The following TRIM49C variants were observed in gnomAD, a reference collection of about 807,000 sequenced individuals.
TRIM49C encodes tripartite motif containing 49C, also known as tripartite motif-containing protein 49C.
Under a neutral mutation model 21.4 loss-of-function variants are expected in TRIM49C, and 6 were observed. The ratio of observed to expected loss-of-function variants is 0.28; its 90% CI spans 0.15 to 0.55. The LOEUF (loss-of-function observed/expected upper bound fraction) is 0.55. TRIM49C is among the 20% of genes least tolerant of loss of function. TRIM49C has a pLI of 0.94. For missense variants in TRIM49C, 161 were observed against 442.4 expected, an observed-to-expected ratio of 0.36 and a Z score of 5.71; for synonymous variants, 57 against 148.1, an observed-to-expected ratio of 0.38 and a Z score of 4.47.
At chr11:90,045,112 T>G (rs180776821), downstream of TRIM49C, among the ~76,000 whole-genome samples, 2 of 133,894 alleles carry the variant, frequency 1.5e-5, 1 homozygote, top group African/African-American at 5.4e-5. Context: ...TTCTGAGGGC[T>G]CTGTTCTATT....
Position 90,035,923 on chromosome 11 carries a change from A to G in TRIM49C, c.447A>G (p.Glu149=), listed in dbSNP as rs1251792477. 2 of 1,000,282 alleles carry G rather than the reference A, an allele frequency of 2.0e-6. No individual in the cohort carries two copies. The highest frequency in any genetic ancestry group is 2.6e-6 in the Non-Finnish European group (2 of 769,614). The allele number at this position is 1,000,282 out of a possible 1,614,324, so 62.0% of individuals were successfully genotyped here. Reference sequence around the variant, plus strand: ...TACAGAAAATGCAGTCTTTGTGGGAAAAAGCTTGTGAAAATCACAGAAACC... The same window carrying G: ...TACAGAAAATGCAGTCTTTGTGGGAGAAAGCTTGTGAAAATCACAGAAACC... The part of the protein sequence containing the change: ...KLLQKMQSLW[E]KACENHRNLN... Residue 149 remains glutamate (E), a synonymous_variant, in exon 4 of 8, where the codon GAA becomes GAG. Transcript: ENST00000448984.
rs1171615595 is a variant in TRIM49C at position 90,041,111 on chromosome 11, G to A, written c.920G>A (p.Arg307Lys). Residue 307 changes from arginine to lysine, a missense_variant, in exon 8 of 8, where the codon AGA becomes AAA. Around this residue, in one of 3 missense-constraint regions of TRIM49C, gnomAD observed 80 missense variants for 314.8 expected, o/e 0.25. Transcript: ENST00000448984. ...NSDIFLYEIL[R>K]SMCIGCDHQD... Reference sequence around the variant, plus strand: ...GATATCTTTCTGTATGAAATTTTGAGAAGCATGTGTATTGGATGTGACCAT... The same window carrying A: ...GATATCTTTCTGTATGAAATTTTGAAAAGCATGTGTATTGGATGTGACCAT... 8 of 1,593,070 alleles carry A rather than the reference G, an allele frequency of 5.0e-6. 1 individual carries two copies. Among genetic ancestry groups the A allele is most frequent in the Non-Finnish European group, 6.0e-6 (7 of 1,168,584 alleles).
At chr11:90,035,745 T>A in intron 3 of TRIM49C, 123 bp downstream of exon 3, 1 of 1,101,666 alleles carries the variant, frequency 9.1e-7, no homozygotes. Flanking sequence ...TTGGGCTTTC[T>A]TAGCTTCCAA....
At chr11:90,060,313 T>C in the TRIM49C span, among the ~76,000 whole-genome samples, 1 of 148,446 alleles carries the variant, frequency 6.7e-6, no homozygotes, top group African/African-American at 2.5e-5. Flanking sequence ...TGAGAGATTT[T>C]TCCTTCTGCA....
At chr11:90,031,749 C>A (rs1950689276) in intron 1 of TRIM49C, among the ~76,000 whole-genome samples, 1 of 150,002 alleles carries the variant, frequency 6.7e-6, no homozygotes, top group Admixed American at 6.7e-5. Context: ...TCAGTGATTT[C>A]TCTTAGAGTG....
At position 90,041,320 on chromosome 11, in the gene TRIM49C, C is replaced by T. The variant is rs753232415; in HGVS notation, c.1129C>T (p.Leu377Phe). 1.6e-5 allele frequency: 25 copies of T among 1,590,152 alleles called. 2 individuals are homozygous for T. The African/African-American group carries it at 3.3e-4, about 21-fold the overall frequency. ...TGAGAAGATAGATGGAAAGGAGGGA[C>T]TCTTTCTTCTTGGGTGTATTAAGAA... Reference protein sequence around the residue: ...QNEKIDGKEGLFLLGCIKNDI... With the variant: ...QNEKIDGKEGFFLLGCIKNDI... The change falls in exon 8 of 8, where the codon CTC becomes TTC. Residue 377 changes from leucine (L) to phenylalanine (F), a missense_variant. Around this residue, in one of 3 missense-constraint regions of TRIM49C, gnomAD observed 63 missense variants for 67.6 expected, o/e 0.93. Coordinates refer to ENST00000448984, the MANE Select transcript of TRIM49C (RefSeq NM_001195234.1).
the TRIM49C span, among the ~76,000 whole-genome samples, chr11:90,072,150 T>C: frequency 7.1e-6 from 1 of 141,598 alleles, no homozygotes; most frequent in African/African-American, 2.5e-5. Flanking sequence ...AGTTAATGAC[T>C]GATTTGAGTG....
Position 90,041,068 on chromosome 11 carries a change from C to G in TRIM49C, c.877C>G (p.His293Asp), listed in dbSNP as rs74584169. 460,255 of 1,536,760 alleles carry G rather than the reference C, an allele frequency of 0.3. 45,921 individuals carry two copies. Among genetic ancestry groups the G allele is most frequent in the Admixed American group, 0.51 (28,428 of 55,626 alleles). Residue 293 changes from histidine to aspartate, a missense_variant, in exon 8 of 8, where the codon CAT becomes GAT. Transcript: ENST00000448984. Reference sequence around the variant, plus strand: ...TTTTGCAGTGCATATTACTCTGCATCATGAAGAAGCCAACAGTGATATCTT... The same window carrying G: ...TTTTGCAGTGCATATTACTCTGCATGATGAAGAAGCCAACAGTGATATCTT... ...NQFRVHITLH[H>D]EEANSDIFLY...
chr11:90,043,781 A>ATTT (rs1232320849), downstream of TRIM49C, among the ~76,000 whole-genome samples: 2 of 114,470 alleles, frequency 1.7e-5, 1 homozygote, highest in African/African-American at 7.0e-5. Flanking sequence ...GGAAAGTTTG[A>ATTT]TTTTTTTTTA....
chr11:90,056,939 G>A, the TRIM49C span, among the ~76,000 whole-genome samples: 7 of 148,996 alleles, frequency 4.7e-5, no homozygotes, highest in East Asian at 9.8e-4. Context: ...AGTCTGTGAG[G>A]TCAACTTAAC....
rs564774 is a variant in TRIM49C at position 90,033,420 on chromosome 11, T to G, written c.-5+838T>G. Among the ~76,000 whole-genome samples the G allele has an allele frequency of 6.8e-4, 93 of 136,132 alleles. 13 individuals carry two copies. In the South Asian group the frequency reaches 0.011, roughly 16 times the overall value. 89.3% of individuals were successfully genotyped at this position (136,132 alleles called of 152,430 possible). On this transcript the variant is annotated intron_variant, in intron 2 of 7. Coordinates refer to ENST00000448984, the MANE Select transcript of TRIM49C (RefSeq NM_001195234.1). ...TGAGTCAGCCACAGACCACATATGG[T>G]GGTCCCATAAGATTATAATACCAAT...
intron 4 of TRIM49C, among the ~76,000 whole-genome samples, chr11:90,037,087 GTATGTA>G (rs1565480184): frequency 7.5e-6 from 1 of 132,984 alleles, no homozygotes; most frequent in African/African-American, 2.7e-5. Flanking sequence ...ATGTATGTAT[GTATGTA>G]TGTATGTGTG....
chr11:90,063,070 A>C, the TRIM49C span: 1 of 1,353,616 alleles, frequency 7.4e-7, no homozygotes. Flanking sequence ...GAAAAGGAAA[A>C]AAAGGCCGGT....
chr11:90,049,949 A>T, the TRIM49C span: 8 of 123,554 alleles, frequency 6.5e-5, 1 homozygote, highest in Admixed American at 3.6e-4. Context: ...GGAAACAGGA[A>T]GGAATGCCTG....
chr11:90,044,045 T>A (rs913089620), downstream of TRIM49C, among the ~76,000 whole-genome samples: 2 of 45,988 alleles, frequency 4.3e-5, 1 homozygote, highest in African/African-American at 2.1e-4. Context: ...TTCGTCCTTG[T>A]GATAGTTTGC....
At chr11:90,038,293 T>C (rs1027219751) in intron 5 of TRIM49C, among the ~76,000 whole-genome samples, 3 of 105,402 alleles carry the variant, frequency 2.8e-5, no homozygotes, top group Non-Finnish European at 5.7e-5. Context: ...GAGTGATTCA[T>C]TTACATTTAG....
chr11:90,046,356 A>G (rs1242963532), downstream of TRIM49C, among the ~76,000 whole-genome samples: 5 of 126,360 alleles, frequency 4.0e-5, no homozygotes, highest in African/African-American at 1.6e-4. Flanking sequence ...AAGGAATGGT[A>G]CCAGCTCCTC....
At chr11:90,046,324 C>T (rs1481025466), downstream of TRIM49C, among the ~76,000 whole-genome samples, 2 of 125,534 alleles carry the variant, frequency 1.6e-5, 1 homozygote, top group Non-Finnish European at 3.3e-5. Flanking sequence ...CCCTCTTTTT[C>T]TATTGATTGG....
the TRIM49C span, chr11:90,071,779 T>G: frequency 1.3e-5 from 15 of 1,134,200 alleles, 3 homozygotes; most frequent in Middle Eastern, 5.9e-4. Flanking sequence ...GTGGACAGGC[T>G]CAACCACTTC....
Sources: gnomAD v4.1 joint callset for allele counts (sites outside exome capture counted in the v4.1 genomes callset) on GRCh38, gnomAD v4.1.1 for gene constraint, gnomAD v4.1.1 regional missense constraint, MANE v1.5 for transcripts, NCBI Gene and HGNC (gene_info 2026-07-23, HGNC 2026-07-21) for gene names.